Variants in EPG5 observed in about 807,000 individuals in gnomAD.
EPG5 encodes the protein ectopic P-granules 5 autophagy tethering factor, also known as ectopic P granules protein 5 homolog.
Under a neutral mutation model 302.7 loss-of-function variants are expected in EPG5, and 159 were observed. The observed-to-expected ratio is 0.53, with a 90% CI of 0.46 to 0.60. The LOEUF (loss-of-function observed/expected upper bound fraction) is 0.60. EPG5 is among the 20% of genes least tolerant of loss of function. EPG5 has a pLI of 0.00. For synonymous variants in EPG5, 1,158 were observed against 1,136.8 expected, an observed-to-expected ratio of 1.02 and a Z score of -0.37; for missense variants, 2,896 against 3,092.4, an observed-to-expected ratio of 0.94 and a Z score of 1.51.
intron 25 of EPG5, among the ~76,000 whole-genome samples, chr18:45,902,875 TG>T (rs2049652775): frequency 1.3e-5 from 2 of 152,214 alleles, no homozygotes; most frequent in Admixed American, 1.3e-4. Context: ...GCTTACAAAT[TG>T]GGTTTCTTAT....
At chr18:45,929,817 A>AC (rs1232381816) in intron 12 of EPG5, among the ~76,000 whole-genome samples, 1 of 152,236 alleles carries the variant, frequency 6.6e-6, no homozygotes, top group Non-Finnish European at 1.5e-5. Flanking sequence ...GTTATGAAGT[A>AC]CCAGTATAGG....
chr18:45,857,670 G>A, intron 42 of EPG5, 183 bp downstream of exon 42: 1 of 556,768 alleles, frequency 1.8e-6, no homozygotes, highest in Non-Finnish European at 3.1e-6. Flanking sequence ...AAATAAAAAT[G>A]CTTTTTAGAA....
the EPG5 span, among the ~76,000 whole-genome samples, chr18:45,806,381 G>A: frequency 6.6e-6 from 1 of 152,204 alleles, no homozygotes; most frequent in East Asian, 1.9e-4. Flanking sequence ...CAGACGCACA[G>A]AGCAGCATGT....
intron 24 of EPG5, among the ~76,000 whole-genome samples, chr18:45,907,562 C>T (rs2049784455): frequency 6.6e-6 from 1 of 152,134 alleles, no homozygotes; most frequent in South Asian, 2.1e-4. Context: ...ATGCAACCAA[C>T]CTCCCACATC....
the EPG5 span, among the ~76,000 whole-genome samples, chr18:45,841,294 G>A: frequency 6.6e-6 from 1 of 152,110 alleles, no homozygotes; most frequent in Non-Finnish European, 1.5e-5. Context: ...AGCCCCACTA[G>A]AGTGTGGACG....
At chr18:45,904,181 G>T in intron 24 of EPG5, 64 bp from the exon 25 acceptor site, 1 of 1,546,544 alleles carries the variant, frequency 6.5e-7, no homozygotes, top group South Asian at 1.2e-5. Flanking sequence ...ATAAAACTAT[G>T]TATTTAACTA....
chr18:45,899,872 A>ATCCTAACT lies in EPG5; in HGVS notation c.4647-314_4647-307dup, dbSNP rs1388152304. ...CCCTACAAGAACAACTGAGAATTCT[A>ATCCTAACT]TCCTAACTTCATCACCCTCAAGGGG... On this transcript the variant is annotated intron_variant, in intron 26 of 43. Transcript: ENST00000282041. Among the ~76,000 whole-genome samples, 7 of 152,366 alleles carry ATCCTAACT rather than the reference A, an allele frequency of 4.6e-5. No individual in the cohort carries two copies. In the East Asian group the frequency reaches 1.4e-3, roughly 29 times the overall value.
chr18:45,877,094 C>A (rs1388947600), intron 34 of EPG5, among the ~76,000 whole-genome samples: 2 of 151,912 alleles, frequency 1.3e-5, no homozygotes, highest in Admixed American at 1.3e-4. Flanking sequence ...CAGAGAAATT[C>A]TTTATATGAA....
the EPG5 span, chr18:45,825,763 C>T: frequency 6.3e-5 from 102 of 1,614,204 alleles, 1 homozygote; most frequent in South Asian, 1.1e-3. Flanking sequence ...GCCTGCTTGG[C>T]GTGGGTTCTC....
rs1426708840 is a variant in EPG5, at chr18:45,916,189, G to A, written c.3402C>T (p.Ser1134=). The A allele has an allele frequency of 1.2e-6, 2 of 1,613,180 alleles. No homozygotes were observed. The highest frequency in any genetic ancestry group is 1.7e-6 in the Non-Finnish European group (2 of 1,179,724). Residue 1134 remains serine (S), a synonymous_variant, in exon 19 of 44, where the codon AGC becomes AGT. Transcript: ENST00000282041. ...NSMIQAHISV[S]TQPNEVGPVA... ...CGGGGCCCACTTCATTGGGCTGAGT[G>A]CTTACAGATATGTGTGCCTGTGGAG...
chr18:45,955,969 AG>A (rs1187558383), intron 1 of EPG5, among the ~76,000 whole-genome samples: 2 of 152,154 alleles, frequency 1.3e-5, no homozygotes, highest in African/African-American at 4.8e-5. Context: ...TAACTGCCAC[AG>A]GTAAGATCTA....
chr18:45,839,807 CCT>C, the EPG5 span, among the ~76,000 whole-genome samples: 1 of 152,180 alleles, frequency 6.6e-6, no homozygotes, highest in Non-Finnish European at 1.5e-5. Flanking sequence ...AGAAATCTGC[CCT>C]GTGCCCCAGA....
the EPG5 span, among the ~76,000 whole-genome samples, chr18:45,830,089 C>T: frequency 6.6e-6 from 1 of 152,152 alleles, no homozygotes; most frequent in East Asian, 1.9e-4. Context: ...AGCAGCTCAG[C>T]TTTCTCTCTA....
the EPG5 span, among the ~76,000 whole-genome samples, chr18:45,823,243 G>A: frequency 3.3e-5 from 5 of 152,152 alleles, no homozygotes; most frequent in African/African-American, 9.7e-5. Context: ...ACAAATTTAG[G>A]AATTTGAGCT....
chr18:45,929,357 T>C (rs1211879058), intron 12 of EPG5, among the ~76,000 whole-genome samples: 1 of 152,162 alleles, frequency 6.6e-6, no homozygotes, highest in African/African-American at 2.4e-5. Context: ...AGAATGCATT[T>C]CATGGAAATG....
intron 42 of EPG5, among the ~76,000 whole-genome samples, chr18:45,855,912 A>G (rs1052905392): frequency 1.8e-4 from 28 of 152,192 alleles, no homozygotes; most frequent in African/African-American, 6.5e-4. Context: ...AAGTGTTGGC[A>G]AAGATGTGGA....
At chr18:45,846,768 T>C (rs2048368362), downstream of EPG5, among the ~76,000 whole-genome samples, 1 of 152,194 alleles carries the variant, frequency 6.6e-6, no homozygotes, top group African/African-American at 2.4e-5. Flanking sequence ...AGAAAATGGC[T>C]ACTCCATAGG....
At chr18:45,951,915 A>G (rs941956478) in intron 3 of EPG5, among the ~76,000 whole-genome samples, 1 of 152,246 alleles carries the variant, frequency 6.6e-6, no homozygotes, top group African/African-American at 2.4e-5. Flanking sequence ...CATACTTAAT[A>G]TTCATGTCAT....
At chr18:45,967,132 C>T (rs767228987) in intron 1 of EPG5, 45 bp downstream of exon 1, 4 of 1,548,878 alleles carry the variant, frequency 2.6e-6, no homozygotes, top group East Asian at 4.8e-5. Flanking sequence ...AGCAAGGAGA[C>T]ACAGCACACT....
Sources: gnomAD v4.1 joint callset for allele counts (sites outside exome capture counted in the v4.1 genomes callset) on GRCh38, gnomAD v4.1.1 for gene constraint, MANE v1.5 for transcripts, NCBI Gene and HGNC (gene_info 2026-07-23, HGNC 2026-07-21) for gene names.